AFF2: variants seen among roughly 807,000 people sequenced by gnomAD.
The protein encoded by AFF2 is AF4/FMR2 family member 2.
Under a neutral mutation model 76.9 loss-of-function variants are expected in AFF2, and 14 were observed. That is an observed-to-expected ratio of 0.18 (90% CI 0.12 to 0.28). AFF2 has a LOEUF of 0.28. AFF2 is among the 10% of genes least tolerant of loss of function. The pLI, the probability that AFF2 is intolerant of heterozygous loss-of-function variation, is 1.00. For missense variants in AFF2, 868 were observed against 1,001.1 expected, an observed-to-expected ratio of 0.87 and a Z score of 1.79; for synonymous variants, 398 against 366.7, an observed-to-expected ratio of 1.09 and a Z score of -0.98.
At chrX:148,951,542 C>T (rs1198048060) in intron 9 of AFF2, among the ~76,000 whole-genome samples, 2 of 111,548 alleles carry the variant, frequency 1.8e-5, no homozygotes, top group African/African-American at 6.5e-5. Flanking sequence ...TAGATTTTAT[C>T]CCTCAATCCA....
At chrX:148,671,646 T>C (rs1364270746) in intron 3 of AFF2, among the ~76,000 whole-genome samples, 1 of 111,705 alleles carries the variant, frequency 9.0e-6, no homozygotes, top group Admixed American at 9.5e-5. Context: ...TGAAGGGATC[T>C]GAGCCCTGCC....
At chrX:148,787,658 G>A (rs1003293307) in intron 3 of AFF2, among the ~76,000 whole-genome samples, 5 of 111,728 alleles carry the variant, frequency 4.5e-5, no homozygotes, top group African/African-American at 9.8e-5. Context: ...TTGCCTGCTC[G>A]TCTCAACATT....
chrX:148,652,885 A>T (rs2054216103), intron 2 of AFF2, among the ~76,000 whole-genome samples: 1 of 112,086 alleles, frequency 8.9e-6, no homozygotes, highest in Admixed American at 9.5e-5. Flanking sequence ...GTTTTTATTG[A>T]AATGCAGTAG....
rs2071321251 is a variant in AFF2 at position 148,898,641 on chromosome X, T to G, written c.1360-5580T>G. ...CATTCAGTTGCAGGATGAATTGAGA[T>G]GCACATCAGCCTGGAGCTCAGCTCT... On this transcript the variant is annotated intron_variant, in intron 8 of 20. Transcript: ENST00000370460. Among the ~76,000 whole-genome samples the G allele has an allele frequency of 1.8e-5, 2 of 111,986 alleles. 1 individual carries two copies. Among genetic ancestry groups the G allele is most frequent in the South Asian group, 7.5e-4 (2 of 2,656 alleles).
chrX:148,883,305 C>T (rs781822972), intron 7 of AFF2, among the ~76,000 whole-genome samples: 1 of 111,876 alleles, frequency 8.9e-6, no homozygotes, highest in Non-Finnish European at 1.9e-5. Flanking sequence ...ACAGAAACTT[C>T]TGCTTCTGAT....
At chrX:148,762,658 C>G in intron 3 of AFF2, among the ~76,000 whole-genome samples, 1 of 110,106 alleles carries the variant, frequency 9.1e-6, no homozygotes, top group Admixed American at 9.7e-5. Flanking sequence ...TCCCTCAGAT[C>G]GCTGAGGATA....
chrX:148,721,076 C>G (rs1389994762), intron 3 of AFF2, among the ~76,000 whole-genome samples: 1 of 111,999 alleles, frequency 8.9e-6, no homozygotes, highest in Non-Finnish European at 1.9e-5. Context: ...CTAACTGCCT[C>G]TTGACATTAT....
At chrX:148,585,727 G>C (rs782247786) in intron 1 of AFF2, among the ~76,000 whole-genome samples, 1 of 109,019 alleles carries the variant, frequency 9.2e-6, no homozygotes, top group Non-Finnish European at 1.9e-5. Context: ...TGTATTCCCA[G>C]CTGCTCGGGA....
chrX:148,704,419 GATATATATTTATATATGTGTAT>G (rs2054851753), intron 3 of AFF2, among the ~76,000 whole-genome samples: 1 of 4,426 alleles, frequency 2.3e-4, no homozygotes, highest in Non-Finnish European at 4.8e-4. Flanking sequence ...TATATGTGTA[GATATATATTTATATATGTGTAT>G]ATATATATTT....
chrX:148,520,335 T>C (rs781873706), intron 1 of AFF2, among the ~76,000 whole-genome samples: 17 of 112,080 alleles, frequency 1.5e-4, no homozygotes, highest in African/African-American at 4.9e-4. Context: ...TTGCAAACCT[T>C]CATCACCACT....
chrX:148,783,107 C>A (rs1272291009), intron 3 of AFF2, among the ~76,000 whole-genome samples: 1 of 111,837 alleles, frequency 8.9e-6, no homozygotes, highest in African/African-American at 3.2e-5. Context: ...TATCCTCAAT[C>A]TTTATGTCTT....
At chrX:148,895,284 A>G (rs2071270494) in intron 8 of AFF2, among the ~76,000 whole-genome samples, 1 of 111,384 alleles carries the variant, frequency 9.0e-6, no homozygotes, top group African/African-American at 3.3e-5. Context: ...AAATGGCTAC[A>G]TTTTTATTGT....
intron 1 of AFF2, among the ~76,000 whole-genome samples, chrX:148,648,561 CAAAAAA>C (rs1241628949): frequency 2.2e-4 from 5 of 23,057 alleles, no homozygotes; most frequent in Admixed American, 5.9e-4. Flanking sequence ...AAAACTCCGT[CAAAAAA>C]AAAAAAAAAA....
intron 1 of AFF2, among the ~76,000 whole-genome samples, chrX:148,592,726 C>T (rs1353712504): frequency 9.0e-6 from 1 of 111,525 alleles, no homozygotes; most frequent in Non-Finnish European, 1.9e-5. Context: ...AGGGCACTGG[C>T]CTACTCCTGT....
chrX:148,552,266 C>T (rs2053003258), intron 1 of AFF2, among the ~76,000 whole-genome samples: 1 of 112,179 alleles, frequency 8.9e-6, no homozygotes, highest in African/African-American at 3.2e-5. Context: ...AGCCACATGT[C>T]CTTTAACTCA....
rs935526477 is a variant in AFF2, at chrX:148,549,508, G to A, written c.47+48364G>A. Among the ~76,000 whole-genome samples the A allele has an allele frequency of 4.3e-4, 48 of 111,218 alleles. 1 individual carries two copies. The highest frequency in any genetic ancestry group is 1.9e-4 in the Non-Finnish European group (10 of 53,001). ...CTTCTGGCTGAGTAATCATAGCCTCGTTTACCTTTCCTCATAGGTTCATCT... is the reference window on the plus strand; with the variant it reads ...CTTCTGGCTGAGTAATCATAGCCTCATTTACCTTTCCTCATAGGTTCATCT... On this transcript the variant is annotated intron_variant, in intron 1 of 20. Transcript: ENST00000370460.
At chrX:148,677,900 CT>C (rs1198590747) in intron 3 of AFF2, among the ~76,000 whole-genome samples, 4 of 111,979 alleles carry the variant, frequency 3.6e-5, no homozygotes, top group Non-Finnish European at 5.6e-5. Context: ...GCTCCCCTGC[CT>C]TTATTTGGTG....
chrX:148,777,969 T>C (rs1461810886), intron 3 of AFF2, among the ~76,000 whole-genome samples: 1 of 112,326 alleles, frequency 8.9e-6, no homozygotes, highest in Non-Finnish European at 1.9e-5. Flanking sequence ...GCCCATTCAG[T>C]ATGATATTGT....
intron 4 of AFF2, among the ~76,000 whole-genome samples, chrX:148,835,849 A>T (rs1603309017): frequency 1.8e-5 from 2 of 110,940 alleles, no homozygotes; most frequent in African/African-American, 6.6e-5. Flanking sequence ...ACAGTACATT[A>T]TTACTATTAA....
Sources: gnomAD v4.1 joint callset for allele counts (sites outside exome capture counted in the v4.1 genomes callset) on GRCh38, gnomAD v4.1.1 for gene constraint, MANE v1.5 for transcripts, NCBI Gene and HGNC (gene_info 2026-07-23, HGNC 2026-07-21) for gene names.